Variants in NKAIN2 observed in about 807,000 individuals in gnomAD.
NKAIN2 encodes the protein sodium/potassium-transporting ATPase subunit beta-1-interacting protein 2.
Under a neutral mutation model 32.6 loss-of-function variants are expected in NKAIN2, and 14 were observed. The ratio of observed to expected loss-of-function variants is 0.43; its 90% confidence interval spans 0.28 to 0.67. The LOEUF (loss-of-function observed/expected upper bound fraction) is 0.67. Ranked by LOEUF, NKAIN2 falls within the 30% of genes least tolerant of loss-of-function variation. The probability of loss-of-function intolerance (pLI) is 0.17; values close to 1 mark genes in which losing one functional copy is unlikely to be tolerated. For missense variants in NKAIN2, 198 were observed against 258.3 expected (o/e 0.77, Z 1.60); for synonymous variants, 80 against 87.2 (o/e 0.92, Z 0.46).
chr6:124,508,476 C>T (rs1778579917), intron 3 of NKAIN2, among the ~76,000 whole-genome samples: 1 of 149,126 alleles, frequency 6.7e-6, no homozygotes, highest in Non-Finnish European at 1.5e-5. Flanking sequence ...TCCCTAGTAG[C>T]TGGGACTACA....
rs183755318 is a variant in NKAIN2 at position 124,708,329 on chromosome 6, T to C, written c.474+49943T>C. On this transcript the variant is annotated intron_variant, in intron 4 of 6. Coordinates refer to ENST00000368417, the MANE Select transcript of NKAIN2 (RefSeq NM_001040214.3). ...AGGATTGCCTTGGTGAAGCGGGCTC[T>C]TTTTTGGTTCCATATGAACTTTAAA... Among the ~76,000 whole-genome samples, 969 of 151,944 alleles carry C rather than the reference T, an allele frequency of 6.4e-3. 27 individuals carry two copies. Among genetic ancestry groups the C allele is most frequent in the Admixed American group, 0.043 (661 of 15,268 alleles).
chr6:123,967,113 G>A (rs1265303588), intron 1 of NKAIN2, among the ~76,000 whole-genome samples: 1 of 152,162 alleles, frequency 6.6e-6, no homozygotes, highest in African/African-American at 2.4e-5. Context: ...AACCGGAATA[G>A]GCAACACTTT....
chr6:123,850,863 C>T (rs1412497468), intron 1 of NKAIN2, among the ~76,000 whole-genome samples: 1 of 152,116 alleles, frequency 6.6e-6, no homozygotes, highest in Non-Finnish European at 1.5e-5. Context: ...CTTAGACCAA[C>T]ATCTCCTGAG....
intron 5 of NKAIN2, among the ~76,000 whole-genome samples, chr6:124,792,018 C>A (rs1364499482): frequency 6.6e-6 from 1 of 152,090 alleles, no homozygotes; most frequent in Non-Finnish European, 1.5e-5. Context: ...CCCAGTGGCT[C>A]TGTTGTTCTC....
At chr6:124,815,214 C>CTATATATATATATATA (rs1200227151) in intron 5 of NKAIN2, among the ~76,000 whole-genome samples, 1 of 68,792 alleles carries the variant, frequency 1.5e-5, no homozygotes, top group Non-Finnish European at 3.2e-5. Context: ...CAGTCTTAAA[C>CTATATATATATATATA]TATATATATA....
chr6:124,653,454 A>G (rs1047020516), intron 3 of NKAIN2, among the ~76,000 whole-genome samples: 1 of 148,522 alleles, frequency 6.7e-6, no homozygotes, highest in African/African-American at 2.6e-5. Context: ...CAAAAAAAAA[A>G]AAAAAAAAAA....
chr6:124,211,129 A>G (rs1791152020), intron 1 of NKAIN2, among the ~76,000 whole-genome samples: 1 of 151,834 alleles, frequency 6.6e-6, no homozygotes, highest in African/African-American at 2.4e-5. Flanking sequence ...GAGCTGATAA[A>G]TACTTATTAA....
intron 3 of NKAIN2, among the ~76,000 whole-genome samples, chr6:124,524,172 T>G (rs914611619): frequency 1.3e-5 from 2 of 152,202 alleles, no homozygotes; most frequent in Non-Finnish European, 2.9e-5. Context: ...ACTCAGTGAC[T>G]AGGCTATTAA....
chr6:124,181,828 C>T (rs909776531), intron 1 of NKAIN2, among the ~76,000 whole-genome samples: 1 of 152,190 alleles, frequency 6.6e-6, no homozygotes, highest in East Asian at 1.9e-4. Flanking sequence ...TTCAACAAGT[C>T]TCTAAGAAGC....
At chr6:124,733,534 T>G (rs1776788400) in intron 4 of NKAIN2, among the ~76,000 whole-genome samples, 1 of 151,902 alleles carries the variant, frequency 6.6e-6, no homozygotes, top group Non-Finnish European at 1.5e-5. Context: ...TTGTTCCATG[T>G]TAGCAATGTT....
chr6:124,344,104 C>T (rs1033107940), intron 2 of NKAIN2, among the ~76,000 whole-genome samples: 123 of 152,010 alleles, frequency 8.1e-4, no homozygotes, highest in Admixed American at 2.2e-3. Flanking sequence ...TTCCCCATTG[C>T]TTGTTTTTCT....
chr6:123,928,169 A>C (rs913391585), intron 1 of NKAIN2, among the ~76,000 whole-genome samples: 1 of 152,218 alleles, frequency 6.6e-6, no homozygotes, highest in African/African-American at 2.4e-5. Context: ...CAAATACTGC[A>C]TGTTCTCACT....
chr6:124,084,715 AT>A (rs1037006648), intron 1 of NKAIN2, among the ~76,000 whole-genome samples: 1 of 152,070 alleles, frequency 6.6e-6, no homozygotes, highest in Admixed American at 6.6e-5. Context: ...TCAAATGCAT[AT>A]GAATTGGCAT....
At chr6:124,282,971 A>G (rs775156078) in intron 1 of NKAIN2, 34 bp from the exon 2 acceptor site, 1 of 1,608,036 alleles carries the variant, frequency 6.2e-7, no homozygotes, top group Non-Finnish European at 8.5e-7. Context: ...TGTTTCTCAC[A>G]TGCTGATCTG....
intron 1 of NKAIN2, among the ~76,000 whole-genome samples, chr6:124,112,175 C>A (rs1323540408): frequency 6.6e-6 from 1 of 152,050 alleles, no homozygotes; most frequent in Admixed American, 6.6e-5. Context: ...CTTATGCTGT[C>A]ATGTTGCTGT....
At chr6:124,276,282 T>C (rs1795027430) in intron 1 of NKAIN2, among the ~76,000 whole-genome samples, 1 of 138,966 alleles carries the variant, frequency 7.2e-6, no homozygotes, top group African/African-American at 3.0e-5. Context: ...TTTATTTTCT[T>C]CCCCTTGGTG....
chr6:124,019,312 G>A (rs1780752041), intron 1 of NKAIN2, among the ~76,000 whole-genome samples: 2 of 151,976 alleles, frequency 1.3e-5, no homozygotes, highest in Non-Finnish European at 2.9e-5. Context: ...TAATATTCCT[G>A]CATTTATATG....
At chr6:124,054,509 A>C (rs187074505) in intron 1 of NKAIN2, among the ~76,000 whole-genome samples, 1 of 152,182 alleles carries the variant, frequency 6.6e-6, no homozygotes, top group Non-Finnish European at 1.5e-5. Flanking sequence ...ATCTTCTTGG[A>C]CTAATAATAT....
intron 4 of NKAIN2, among the ~76,000 whole-genome samples, chr6:124,670,730 C>G (rs1485528874): frequency 6.6e-6 from 1 of 150,906 alleles, no homozygotes; most frequent in East Asian, 1.9e-4. Context: ...AGATGTTAAT[C>G]TCCAGAGAAG....
Sources: allele counts gnomAD v4.1 joint callset (sites outside exome capture counted in the v4.1 genomes callset), GRCh38; gene constraint gnomAD v4.1.1; transcripts MANE v1.5; gene names NCBI Gene and HGNC (gene_info 2026-07-23, HGNC 2026-07-21).